The following PSTPIP1 variants were observed in gnomAD, a reference collection of about 807,000 sequenced individuals.
PSTPIP1 encodes the protein proline-serine-threonine phosphatase interacting protein 1.
In PSTPIP1, 66 loss-of-function variants were observed where a neutral mutation model predicts 69.6. The ratio of observed to expected loss-of-function variants is 0.95; its 90% CI spans 0.78 to 1.16. PSTPIP1 has a LOEUF of 1.16. Among genes scored for constraint, PSTPIP1 ranks in the 50% most tolerant of loss-of-function variants. PSTPIP1 has a pLI of 0.00. For synonymous variants in PSTPIP1, 266 were observed against 222.7 expected (o/e 1.19, Z -1.73); for missense variants, 603 against 557.4 (o/e 1.08, Z -0.82).
At chr15:77,000,861 GTATTTTAAATTT>G (rs1040004312) in intron 1 of PSTPIP1, among the ~76,000 whole-genome samples, 10 of 151,670 alleles carry the variant, frequency 6.6e-5, no homozygotes, top group Admixed American at 5.9e-4. Context: ...TTTTTTTCTA[GTATTTTAAATTT>G]TATTTTAAAT....
At chr15:76,995,657 T>C (rs1297164347) in intron 1 of PSTPIP1, 48 bp downstream of exon 1, 1 of 1,612,024 alleles carries the variant, frequency 6.2e-7, no homozygotes, top group Non-Finnish European at 8.5e-7. Flanking sequence ...GGGGCAGAGC[T>C]AGGCTGAAAT....
chr15:77,024,752 C>A (rs1452359255), intron 3 of PSTPIP1, among the ~76,000 whole-genome samples: 1 of 121,710 alleles, frequency 8.2e-6, no homozygotes, highest in African/African-American at 3.0e-5. Flanking sequence ...CTCCCTCCCT[C>A]CCTGGCAGAC....
chr15:77,015,244 T>TG (rs2076025429), intron 1 of PSTPIP1, among the ~76,000 whole-genome samples: 1 of 152,248 alleles, frequency 6.6e-6, no homozygotes, highest in Non-Finnish European at 1.5e-5. Context: ...GTTCCTGGGC[T>TG]GTCTACTAAA....
At chr15:77,008,123 C>G in intron 1 of PSTPIP1, 1 of 452,702 alleles carries the variant, frequency 2.2e-6, no homozygotes, top group Non-Finnish European at 4.4e-6. Flanking sequence ...GATCAGTGTC[C>G]CTGGAGCTGC....
At chr15:76,995,038 C>A (rs920002123), upstream of PSTPIP1, 10 of 1,190,422 alleles carry the variant, frequency 8.4e-6, no homozygotes, top group Middle Eastern at 3.7e-4. Context: ...AGCAGGATGG[C>A]AGGTGGCAGG....
chr15:76,995,474 G>T lies in PSTPIP1; in HGVS notation c.-100G>T. 1 of 1,597,534 alleles carries T rather than the reference G, an allele frequency of 6.3e-7. No homozygotes were observed. Among genetic ancestry groups the T allele is most frequent in the Non-Finnish European group, 8.5e-7 (1 of 1,172,518 alleles). On this transcript the variant is annotated 5_prime_UTR_variant, in exon 1 of 15. Transcript: ENST00000558012. ...GCGCCGGCCGGGAAGGGGGGCCTGG[G>T]CCAGCCCTGCCAGGACTGGGACGCT... is the stretch of plus-strand genomic sequence containing the variant.
intron 1 of PSTPIP1, 144 bp downstream of exon 1, chr15:76,995,753 G>A: frequency 1.4e-6 from 2 of 1,458,948 alleles, no homozygotes; most frequent in Middle Eastern, 2.4e-4. Context: ...TGTCATGGAG[G>A]TGGCCCAGGC....
intron 1 of PSTPIP1, among the ~76,000 whole-genome samples, chr15:77,008,222 A>T (rs2075859702): frequency 6.6e-6 from 1 of 152,124 alleles, no homozygotes. Context: ...ATCTGTGAGG[A>T]TTCTCACTGA....
At chr15:77,028,917 A>G (rs2076350886) in intron 7 of PSTPIP1, among the ~76,000 whole-genome samples, 1 of 152,250 alleles carries the variant, frequency 6.6e-6, no homozygotes, top group Non-Finnish European at 1.5e-5. Flanking sequence ...TGAGGCCCAC[A>G]GGGTGATGAG....
In PSTPIP1 at chr15:77,035,901, A is replaced by G; in HGVS notation, c.1085A>G (p.Gln362Arg). 6.2e-7 allele frequency: 1 copy of G among 1,609,488 alleles called. No homozygotes were observed. Residue 362 changes from glutamine (Q) to arginine (R), a missense_variant, in exon 14 of 15, where the codon CAG (glutamine) becomes CGG (arginine). Gln to Arg is a conservative substitution (Grantham distance 43). Coordinates refer to ENST00000558012, the MANE Select transcript of PSTPIP1 (RefSeq NM_003978.5). ...CAGGGAAACCCGGCCTCACCAGCCC[A>G]GGAGTACCGGGCGCTCTACGATTAT... ...EIQGNPASPA[Q>R]EYRALYDYTA... is the part of the protein sequence containing the mutation.
rs186215971 is a variant in PSTPIP1, at chr15:77,009,040, G to C, written c.37-9108G>C. Among the ~76,000 whole-genome samples the C allele has an allele frequency of 2.0e-3, 300 of 152,258 alleles. 1 individual carries two copies. Among genetic ancestry groups the C allele is most frequent in the African/African-American group, 7.1e-3 (294 of 41,528 alleles). ...GTCCTGGGGAGCCCCTCAACTCTCT[G>C]AGCCTTGGTTCCTTGTTTGTAAATA... is the stretch of plus-strand genomic sequence containing the variant. On this transcript the variant is annotated intron_variant, in intron 1 of 14. Transcript: ENST00000558012.
At chr15:77,000,456 G>GATATAT (rs1170516021) in intron 1 of PSTPIP1, among the ~76,000 whole-genome samples, 5 of 69,220 alleles carry the variant, frequency 7.2e-5, no homozygotes, top group African/African-American at 2.7e-4. Flanking sequence ...GGCATTTAAA[G>GATATAT]AGAGATATAT....
At chr15:77,033,182 C>T (rs2076465052) in intron 12 of PSTPIP1, among the ~76,000 whole-genome samples, 2 of 152,206 alleles carry the variant, frequency 1.3e-5, no homozygotes, top group South Asian at 4.1e-4. Context: ...CAATTATTCA[C>T]TAGGGGAGGT....
At chr15:77,036,368 G>A (rs2076573611) in intron 14 of PSTPIP1, among the ~76,000 whole-genome samples, 1 of 152,204 alleles carries the variant, frequency 6.6e-6, no homozygotes, top group African/African-American at 2.4e-5. Flanking sequence ...CTTTGGGTCA[G>A]GGCCCTGTCC....
At chr15:77,012,529 T>TCATCCATC (rs367566326) in intron 1 of PSTPIP1, among the ~76,000 whole-genome samples, 94 of 149,786 alleles carry the variant, frequency 6.3e-4, no homozygotes, top group Non-Finnish European at 6.7e-4. Flanking sequence ...ATCCATCCAT[T>TCATCCATC]CATCCATCCA....
chr15:77,010,717 G>A (rs1331745922), intron 1 of PSTPIP1, among the ~76,000 whole-genome samples: 2 of 151,950 alleles, frequency 1.3e-5, no homozygotes, highest in Non-Finnish European at 2.9e-5. Flanking sequence ...GCTCAATCTC[G>A]GCTCACTGCA....
In PSTPIP1 at chr15:76,995,149, G is replaced by GCTGCCGGGCTGC. The variant is rs149668347; in HGVS notation, c.-420_-419insGGGCTGCCTGCC. On this transcript the variant is annotated 5_prime_UTR_variant, in exon 1 of 15. Transcript: ENST00000558012. Reference sequence around the variant, plus strand: ...ACAAACCTTCCTGCGCAGGCCTCGGGCTGCCTGCCTGCCTGCCTGCCTGGC... The same window carrying GCTGCCGGGCTGC: ...ACAAACCTTCCTGCGCAGGCCTCGGGCTGCCGGGCTGCCTGCCTGCCTGCCTGCCTGCCTGGC... The GCTGCCGGGCTGC allele has an allele frequency of 8.5e-7, 1 of 1,170,604 alleles. No homozygotes were observed. Among genetic ancestry groups the GCTGCCGGGCTGC allele is most frequent in the Non-Finnish European group, 1.1e-6 (1 of 933,580 alleles). 72.5% of individuals were successfully genotyped at this position (1,170,604 alleles called of 1,614,324 possible).
At chr15:77,018,572 C>T (rs565974851) in intron 3 of PSTPIP1, 41 bp downstream of exon 3, 1 of 1,508,310 alleles carries the variant, frequency 6.6e-7, no homozygotes, top group East Asian at 2.5e-5. Context: ...CTCTCCTCTG[C>T]TGGCAGTTTC....
chr15:77,002,220 C>A (rs1439190304), intron 1 of PSTPIP1, among the ~76,000 whole-genome samples: 1 of 152,232 alleles, frequency 6.6e-6, no homozygotes, highest in Non-Finnish European at 1.5e-5. Flanking sequence ...CGAGGGTCAC[C>A]TGTGCAGGGT....
Sources: allele counts gnomAD v4.1 joint callset (sites outside exome capture counted in the v4.1 genomes callset), GRCh38; gene constraint gnomAD v4.1.1; transcripts MANE v1.5; gene names NCBI Gene and HGNC (gene_info 2026-07-23, HGNC 2026-07-21).